Variants in NRG3 observed in about 807,000 individuals in gnomAD.
The protein encoded by NRG3 is neuregulin 3, also known as pro-neuregulin-3, membrane-bound isoform.
NRG3 carries 31 observed loss-of-function variants against 66.9 expected under a neutral mutation model. The ratio of observed to expected loss-of-function variants is 0.46; its 90% confidence interval spans 0.35 to 0.63. The LOEUF (loss-of-function observed/expected upper bound fraction) is 0.63, where lower values mean the gene tolerates loss of function less well. Ranked by LOEUF, NRG3 falls within the 20% of genes least tolerant of loss-of-function variation. The pLI is 0.00. For missense variants in NRG3, 910 were observed against 878.9 expected, an observed-to-expected ratio of 1.04 and a Z score of -0.45; for synonymous variants, 393 against 359.4, an observed-to-expected ratio of 1.09 and a Z score of -1.06.
chr10:82,633,810 G>A (rs1053119142), intron 2 of NRG3, among the ~76,000 whole-genome samples: 7 of 152,180 alleles, frequency 4.6e-5, no homozygotes, highest in Non-Finnish European at 1.0e-4. Context: ...AGCAGAGGTT[G>A]TAGTGGTCAG....
chr10:82,896,902 C>T (rs758818395), intron 4 of NRG3, among the ~76,000 whole-genome samples: 1 of 152,072 alleles, frequency 6.6e-6, no homozygotes, highest in Admixed American at 6.6e-5. Context: ...ATCACTAAAC[C>T]CCATACTCAT....
chr10:82,674,826 A>C (rs2053552551), intron 2 of NRG3, among the ~76,000 whole-genome samples: 1 of 152,016 alleles, frequency 6.6e-6, no homozygotes, highest in African/African-American at 2.4e-5. Flanking sequence ...AACAAAATTA[A>C]TTCACATAAT....
intron 2 of NRG3, among the ~76,000 whole-genome samples, chr10:82,418,602 T>C (rs1167736201): frequency 6.6e-6 from 1 of 152,062 alleles, no homozygotes; most frequent in African/African-American, 2.4e-5. Context: ...TAAAGACTTT[T>C]ATTTATTTAT....
At chr10:82,661,379 T>C (rs1444729153) in intron 2 of NRG3, among the ~76,000 whole-genome samples, 1 of 152,036 alleles carries the variant, frequency 6.6e-6, no homozygotes, top group African/African-American at 2.4e-5. Context: ...ATATTAAATA[T>C]ATAGAATGTC....
intron 1 of NRG3, among the ~76,000 whole-genome samples, chr10:82,356,873 C>T (rs1169247495): frequency 6.6e-6 from 1 of 152,140 alleles, no homozygotes; most frequent in African/African-American, 2.4e-5. Context: ...TTATAGCTTT[C>T]ATTTATAGCA....
At chr10:82,720,215 C>T (rs1318977862) in intron 2 of NRG3, among the ~76,000 whole-genome samples, 1 of 152,084 alleles carries the variant, frequency 6.6e-6, no homozygotes, top group Non-Finnish European at 1.5e-5. Flanking sequence ...CATGGCAAAA[C>T]CCCATCTCTA....
At chr10:82,796,315 T>G (rs2060799096) in intron 3 of NRG3, among the ~76,000 whole-genome samples, 1 of 152,202 alleles carries the variant, frequency 6.6e-6, no homozygotes, top group Non-Finnish European at 1.5e-5. Context: ...GAAAGCCGAC[T>G]GGTACCCCAG....
At chr10:82,761,916 T>TTTTTTC (rs2059323357) in intron 3 of NRG3, among the ~76,000 whole-genome samples, 1 of 132,788 alleles carries the variant, frequency 7.5e-6, no homozygotes, top group African/African-American at 3.4e-5. Flanking sequence ...TCTTCTTTCT[T>TTTTTTC]TCTTTCTCTT....
At chr10:82,124,554 G>A (rs996405776) in intron 1 of NRG3, among the ~76,000 whole-genome samples, 1 of 151,724 alleles carries the variant, frequency 6.6e-6, no homozygotes, top group African/African-American at 2.4e-5. Flanking sequence ...GTCACACAAC[G>A]GGGCCTGTCG....
At chr10:82,124,894 C>G (rs1484271533) in intron 1 of NRG3, among the ~76,000 whole-genome samples, 1 of 151,872 alleles carries the variant, frequency 6.6e-6, no homozygotes, top group East Asian at 1.9e-4. Context: ...GCCCGATTGT[C>G]AGCTTCTCAA....
At chr10:82,769,563 T>C (rs1358005949) in intron 3 of NRG3, among the ~76,000 whole-genome samples, 1 of 152,112 alleles carries the variant, frequency 6.6e-6, no homozygotes, top group African/African-American at 2.4e-5. Flanking sequence ...CACTGTGATA[T>C]GTGTTTAGGA....
intron 2 of NRG3, among the ~76,000 whole-genome samples, chr10:82,383,932 T>C (rs1024165239): frequency 2.6e-5 from 4 of 151,980 alleles, no homozygotes; most frequent in Non-Finnish European, 4.4e-5. Context: ...CTTTTTATTT[T>C]TATCAAGTGG....
At chr10:82,220,306 G>A (rs2075879868) in intron 1 of NRG3, among the ~76,000 whole-genome samples, 1 of 152,010 alleles carries the variant, frequency 6.6e-6, no homozygotes, top group African/African-American at 2.4e-5. Context: ...CATATTTTCA[G>A]GGATATAGCA....
intron 1 of NRG3, among the ~76,000 whole-genome samples, chr10:82,219,906 A>C (rs1219568803): frequency 6.6e-6 from 1 of 152,098 alleles, no homozygotes; most frequent in Admixed American, 6.6e-5. Flanking sequence ...TACAGGGAGA[A>C]AAACTTAGAA....
intron 2 of NRG3, among the ~76,000 whole-genome samples, chr10:82,451,533 G>A (rs1336321510): frequency 2.0e-5 from 3 of 152,130 alleles, no homozygotes; most frequent in Non-Finnish European, 2.9e-5. Context: ...GAGCTTGGGT[G>A]TTTGTTTCCC....
intron 4 of NRG3, among the ~76,000 whole-genome samples, chr10:82,873,795 A>T (rs11196298): frequency 0.03 from 4,574 of 152,234 alleles, 182 homozygotes; most frequent in African/African-American, 0.095. Flanking sequence ...CTTCATTCTC[A>T]TCGGGTAAAC....
chr10:82,651,035 T>C (rs2051371142), intron 2 of NRG3, among the ~76,000 whole-genome samples: 1 of 152,194 alleles, frequency 6.6e-6, no homozygotes, highest in Non-Finnish European at 1.5e-5. Flanking sequence ...GATGGAAGCA[T>C]ATAATTGGGC....
chr10:81,881,068 G>C (rs1589332621), intron 1 of NRG3, among the ~76,000 whole-genome samples: 1 of 152,042 alleles, frequency 6.6e-6, no homozygotes, highest in East Asian at 1.9e-4. Flanking sequence ...CACATGTTTA[G>C]TTTGGTTTTC....
rs535319632 is a variant in NRG3, at chr10:82,005,078, G to T, written c.823+128915G>T. Among the ~76,000 whole-genome samples the T allele has an allele frequency of 2.0e-5, 3 of 152,328 alleles. No individual in the cohort carries two copies. In the South Asian group the frequency reaches 6.2e-4, roughly 32 times the overall value. On this transcript the variant is annotated intron_variant, in intron 1 of 8. Coordinates refer to ENST00000372141, the MANE Select transcript of NRG3 (RefSeq NM_001010848.4). ...ATGCCAGTTTACAGATGAGAACACT[G>T]AGATGAAGAGATAAATGACTGACCG...
Sources: gnomAD v4.1 joint callset for allele counts (sites outside exome capture counted in the v4.1 genomes callset) on GRCh38, gnomAD v4.1.1 for gene constraint, MANE v1.5 for transcripts, NCBI Gene and HGNC (gene_info 2026-07-23, HGNC 2026-07-21) for gene names.